Variants in ADGRL2 observed in about 807,000 individuals in gnomAD.
ADGRL2 encodes the protein adhesion G protein-coupled receptor L2.
Under a neutral mutation model 157.4 loss-of-function variants are expected in ADGRL2, and 44 were observed. The observed-to-expected ratio is 0.28, with a 90% CI of 0.22 to 0.36. ADGRL2 has a LOEUF of 0.36. Among genes scored for constraint, ADGRL2 ranks in the 10% least tolerant of loss-of-function variants. The pLI, the probability that ADGRL2 is intolerant of heterozygous loss-of-function variation, is 1.00. For missense variants in ADGRL2, 1,510 were observed against 1,768.9 expected, an observed-to-expected ratio of 0.85 and a Z score of 2.63; for synonymous variants, 585 against 624.7, an observed-to-expected ratio of 0.94 and a Z score of 0.95.
chr1:81,564,262 C>T (rs1031062251), intron 2 of ADGRL2, among the ~76,000 whole-genome samples: 1 of 152,176 alleles, frequency 6.6e-6, no homozygotes, highest in Admixed American at 6.5e-5. Flanking sequence ...AACTTAACAG[C>T]TTAAGGGAAC....
chr1:81,739,124 CAAAACAA>C (rs1271846660), intron 1 of ADGRL2, among the ~76,000 whole-genome samples: 1 of 152,148 alleles, frequency 6.6e-6, no homozygotes, highest in East Asian at 1.9e-4. Flanking sequence ...AGGCAGAAAA[CAAAACAA>C]AACAAAACCA....
chr1:81,960,823 TTTAGAC>T (rs1655113425), intron 11 of ADGRL2, among the ~76,000 whole-genome samples: 1 of 152,164 alleles, frequency 6.6e-6, no homozygotes, highest in Non-Finnish European at 1.5e-5. Flanking sequence ...TTATCATCAC[TTTAGAC>T]TTAGACTGTG....
At chr1:81,800,614 G>A (rs1009607954), upstream of ADGRL2, 4 of 152,142 alleles carry the variant, frequency 2.6e-5, no homozygotes, top group African/African-American at 9.7e-5. Flanking sequence ...TCATCCCCCT[G>A]CGCTCAGCCT....
intron 1 of ADGRL2, chr1:81,426,403 A>G: frequency 3.1e-6 from 1 of 319,132 alleles, no homozygotes; most frequent in Non-Finnish European, 6.0e-6. Flanking sequence ...CCTTCAGGTT[A>G]AAATACTCAG....
At chr1:81,458,250 G>A (rs1571021275) in intron 2 of ADGRL2, among the ~76,000 whole-genome samples, 1 of 152,130 alleles carries the variant, frequency 6.6e-6, no homozygotes. Context: ...CTTACCATGA[G>A]ATCTACCCTC....
chr1:81,464,199 T>G (rs1571042287), intron 2 of ADGRL2, among the ~76,000 whole-genome samples: 1 of 152,146 alleles, frequency 6.6e-6, no homozygotes, highest in Non-Finnish European at 1.5e-5. Context: ...TGCAAACATG[T>G]AATACAGCCC....
chr1:81,511,395 A>AGCGC (rs1225019510), intron 2 of ADGRL2, among the ~76,000 whole-genome samples: 1 of 118,758 alleles, frequency 8.4e-6, no homozygotes, highest in Non-Finnish European at 1.7e-5. Context: ...AAAAAAAAAA[A>AGCGC]GCGCGCACAC....
intron 2 of ADGRL2, among the ~76,000 whole-genome samples, chr1:81,884,119 G>A (rs930124852): frequency 1.3e-4 from 19 of 151,808 alleles, no homozygotes; most frequent in African/African-American, 4.1e-4. Flanking sequence ...CAGAATAGCC[G>A]GGACTTTAGG....
chr1:81,695,290 CAT>C (rs543146635), upstream of ADGRL2, among the ~76,000 whole-genome samples: 979 of 151,660 alleles, frequency 6.5e-3, 15 homozygotes, highest in African/African-American at 0.023. Context: ...TTTAATAAAT[CAT>C]AAATATATTC....
At chr1:81,653,482 G>A (rs1375827580) in intron 3 of ADGRL2, among the ~76,000 whole-genome samples, 2 of 152,006 alleles carry the variant, frequency 1.3e-5, no homozygotes, top group Non-Finnish European at 2.9e-5. Context: ...TTTCACTCAT[G>A]GAAGAAACAA....
chr1:81,408,351 G>A (rs1443087071), intron 1 of ADGRL2, among the ~76,000 whole-genome samples: 2 of 152,014 alleles, frequency 1.3e-5, no homozygotes, highest in African/African-American at 2.4e-5. Flanking sequence ...TCTTCTCATA[G>A]TAGGTAGCAT....
chr1:81,837,719 A>T (rs2092354536), intron 2 of ADGRL2, among the ~76,000 whole-genome samples: 1 of 151,974 alleles, frequency 6.6e-6, no homozygotes, highest in Non-Finnish European at 1.5e-5. Context: ...TATACTTTTG[A>T]AGCCTAATGA....
chr1:81,711,497 T>C (rs2083927292), intron 1 of ADGRL2, among the ~76,000 whole-genome samples: 1 of 152,224 alleles, frequency 6.6e-6, no homozygotes, highest in Admixed American at 6.5e-5. Context: ...TAAAGATGTA[T>C]ATTCAGAGAT....
intron 1 of ADGRL2, among the ~76,000 whole-genome samples, chr1:81,331,107 T>G (rs757463274): frequency 6.6e-6 from 1 of 152,180 alleles, no homozygotes; most frequent in East Asian, 1.9e-4. Flanking sequence ...TTATTTTACA[T>G]CTACATCAAA....
At chr1:81,459,719 TACACACACATACACACACATATATAC>T (rs1481560388) in intron 2 of ADGRL2, among the ~76,000 whole-genome samples, 2 of 151,150 alleles carry the variant, frequency 1.3e-5, no homozygotes, top group Non-Finnish European at 3.0e-5. Flanking sequence ...CACACACATA[TACACACACATACACACACATATATAC>T]ACACACATAT....
chr1:81,622,071 CTG>C (rs1427948712), intron 3 of ADGRL2, among the ~76,000 whole-genome samples: 1 of 152,134 alleles, frequency 6.6e-6, no homozygotes, highest in Non-Finnish European at 1.5e-5. Flanking sequence ...AGGAATAAAA[CTG>C]TGGATAGATA....
chr1:81,908,878 CTTTTTTTTT>C, intron 3 of ADGRL2, among the ~76,000 whole-genome samples: 1 of 141,416 alleles, frequency 7.1e-6, no homozygotes, highest in East Asian at 2.1e-4. Context: ...TTTTTTCTTT[CTTTTTTTTT>C]TTTTTAAGAC....
intron 6 of ADGRL2, among the ~76,000 whole-genome samples, chr1:81,949,669 G>A (rs1171098470): frequency 6.6e-6 from 1 of 152,160 alleles, no homozygotes; most frequent in African/African-American, 2.4e-5. Context: ...TCATGCTCAG[G>A]CAAGAACGGC....
chr1:81,801,437 C>T (rs1026383247), intron 1 of ADGRL2, among the ~76,000 whole-genome samples: 1 of 152,202 alleles, frequency 6.6e-6, no homozygotes. Flanking sequence ...CTCTCGCTCC[C>T]TCTCACTCTC....
Sources: gnomAD v4.1 joint callset for allele counts (sites outside exome capture counted in the v4.1 genomes callset) on GRCh38, gnomAD v4.1.1 for gene constraint, MANE v1.5 for transcripts, NCBI Gene and HGNC (gene_info 2026-07-23, HGNC 2026-07-21) for gene names.